The following ARID3B variants were observed in gnomAD, a reference collection of about 807,000 sequenced individuals.
The protein encoded by ARID3B is AT-rich interactive domain-containing protein 3B.
ARID3B carries 10 observed loss-of-function variants against 51.9 expected under a neutral mutation model. The observed-to-expected ratio is 0.19, with a 90% CI of 0.12 to 0.33. ARID3B has a LOEUF of 0.33. Among genes scored for constraint, ARID3B ranks in the 10% least tolerant of loss-of-function variants. The pLI, the probability that ARID3B is intolerant of heterozygous loss-of-function variation, is 1.00. For synonymous variants in ARID3B, 205 were observed against 279.5 expected (o/e 0.73, Z 2.66); for missense variants, 483 against 716.3 (o/e 0.67, Z 3.72).
intron 2 of ARID3B, 112 bp downstream of exon 2, chr15:74,544,600 T>A: frequency 9.5e-7 from 1 of 1,057,588 alleles, no homozygotes; most frequent in Non-Finnish European, 1.4e-6. Flanking sequence ...CCCACTTCGG[T>A]GACCAACAGC....
intron 5 of ARID3B, among the ~76,000 whole-genome samples, chr15:74,590,598 AATCTTTTC>A (rs2061799393): frequency 6.6e-6 from 1 of 152,198 alleles, no homozygotes; most frequent in Admixed American, 6.5e-5. Flanking sequence ...GCCAGAGAGG[AATCTTTTC>A]TTCTGGAACA....
At chr15:74,579,915 A>G (rs770581309) in intron 4 of ARID3B, among the ~76,000 whole-genome samples, 3 of 151,346 alleles carry the variant, frequency 2.0e-5, no homozygotes, top group Non-Finnish European at 4.4e-5. Flanking sequence ...TTTCAGCTGG[A>G]CGCATTGGCT....
At chr15:74,543,074 T>C (rs1176717042) in intron 1 of ARID3B, among the ~76,000 whole-genome samples, 2 of 152,236 alleles carry the variant, frequency 1.3e-5, no homozygotes, top group African/African-American at 2.4e-5. Flanking sequence ...GTTCAGACAA[T>C]GTTGATATCT....
intron 2 of ARID3B, among the ~76,000 whole-genome samples, chr15:74,561,797 A>G (rs2061680299): frequency 6.6e-6 from 1 of 152,186 alleles, no homozygotes; most frequent in African/African-American, 2.4e-5. Flanking sequence ...CTATTTTTCA[A>G]CCTTATGGTG....
At chr15:74,552,056 C>CTTTTTTTTTTTTTTTTTTTT (rs869096001) in intron 2 of ARID3B, among the ~76,000 whole-genome samples, 2 of 102,630 alleles carry the variant, frequency 1.9e-5, no homozygotes, top group African/African-American at 4.1e-5. Flanking sequence ...TCTTTCTTTC[C>CTTTTTTTTTTTTTTTTTTTT]TTTTTTTTTT....
Position 74,595,836 on chromosome 15 carries a change from A to G in ARID3B, c.*62A>G. 1 of 1,533,082 alleles carries G rather than the reference A, an allele frequency of 6.5e-7. No individual in the cohort carries two copies. Among genetic ancestry groups the G allele is most frequent in the East Asian group, 2.3e-5 (1 of 43,882 alleles). The allele number at this position is 1,533,082 out of a possible 1,614,324, so 95.0% of individuals were successfully genotyped here. ...TCGAGAGTGAAGGAAGTTGATGCAC[A>G]GAATTTACCTCATCTCACAGAGCCC... On this transcript the variant is annotated 3_prime_UTR_variant, in exon 9 of 9. Coordinates refer to ENST00000346246, the MANE Select transcript of ARID3B (RefSeq NM_006465.4).
chr15:74,558,365 A>T (rs1192231546), intron 2 of ARID3B, among the ~76,000 whole-genome samples: 1 of 151,866 alleles, frequency 6.6e-6, no homozygotes, highest in East Asian at 1.9e-4. Context: ...CTTCAGCTCT[A>T]TCTGTTCTAC....
chr15:74,556,516 G>A (rs1241016124), intron 2 of ARID3B, among the ~76,000 whole-genome samples: 3 of 152,180 alleles, frequency 2.0e-5, no homozygotes, highest in East Asian at 1.9e-4. Context: ...TAGAAATTAG[G>A]TGTGCTGTGC....
rs536853878 is a variant in ARID3B at position 74,554,015 on chromosome 15, T to C, written c.552+9527T>C. Among the ~76,000 whole-genome samples the C allele has an allele frequency of 4.6e-5, 7 of 151,812 alleles. 1 individual carries two copies. Among genetic ancestry groups the C allele is most frequent in the Admixed American group, 4.6e-4 (7 of 15,230 alleles). ...ATTTTGTATTTTTTTTGTTGTTGTT[T>C]ATTTTTTTTGAGACAGAGTCTCGCT... On this transcript the variant is annotated intron_variant, in intron 2 of 8. Transcript: ENST00000346246.
intron 2 of ARID3B, among the ~76,000 whole-genome samples, chr15:74,572,139 CT>C (rs2061721251): frequency 6.6e-6 from 1 of 152,006 alleles, no homozygotes. Flanking sequence ...AGTTACTGGA[CT>C]GATTAAAGAT....
rs2061725126 is a variant in ARID3B, at chr15:74,573,147, G to A, written c.640G>A (p.Gly214Ser). ...RDFAKLYELD[G>S]DPERKEFLDD... ...GGGATTGCAGCTGTATGAACTGGAC[G>A]GTGATCCTGAAAGGAAAGAGTTCCT... is the stretch of plus-strand genomic sequence containing the variant. Residue 214 changes from glycine to serine, a missense_variant, in exon 4 of 9, where the codon GGT becomes AGT. Gly to Ser is a moderately conservative substitution (Grantham distance 56). Transcript: ENST00000346246. 3 of 1,613,896 alleles carry A rather than the reference G, an allele frequency of 1.9e-6. No homozygotes were observed. The highest frequency in any genetic ancestry group is 2.2e-5 in the South Asian group (2 of 91,076).
At chr15:74,542,429 A>G (rs2061598620) in intron 1 of ARID3B, among the ~76,000 whole-genome samples, 1 of 152,236 alleles carries the variant, frequency 6.6e-6, no homozygotes. Context: ...AATCTTTCAC[A>G]GAACACAAAA....
At chr15:74,547,153 C>A (rs2061618864) in intron 2 of ARID3B, among the ~76,000 whole-genome samples, 1 of 150,676 alleles carries the variant, frequency 6.6e-6, no homozygotes, top group South Asian at 2.1e-4. Context: ...CAGATCTTTC[C>A]CCCCCGCCTT....
chr15:74,587,827 T>G (rs1219482203), intron 4 of ARID3B, among the ~76,000 whole-genome samples: 1 of 152,164 alleles, frequency 6.6e-6, no homozygotes, highest in Non-Finnish European at 1.5e-5. Flanking sequence ...CCCGTAATCC[T>G]CTGTTATTTT....
At chr15:74,541,466 A>G (rs1474059325) in intron 1 of ARID3B, 136 bp downstream of exon 1, 1 of 152,500 alleles carries the variant, frequency 6.6e-6, no homozygotes, top group African/African-American at 2.4e-5. Flanking sequence ...GGGACCGCGA[A>G]GGAAAGTGAG....
intron 4 of ARID3B, among the ~76,000 whole-genome samples, chr15:74,579,875 G>A (rs1448562147): frequency 6.4e-5 from 8 of 124,608 alleles, no homozygotes; most frequent in Admixed American, 1.5e-4. Context: ...GTGTGTGTGC[G>A]CGCGCGCGCA....
chr15:74,552,885 A>G (rs75782903), intron 2 of ARID3B, among the ~76,000 whole-genome samples: 33 of 152,258 alleles, frequency 2.2e-4, no homozygotes, highest in Admixed American at 1.4e-3. Flanking sequence ...GAATAAAGCT[A>G]TCATACACAT....
rs560090983 is a variant in ARID3B at position 74,564,924 on chromosome 15, A to G, written c.553-7938A>G. Among the ~76,000 whole-genome samples the G allele has an allele frequency of 2.6e-5, 4 of 152,066 alleles. 1 individual carries two copies. Among genetic ancestry groups the G allele is most frequent in the African/African-American group, 9.6e-5 (4 of 41,462 alleles). ...CCTGAAGTCTAGTGATTTTCTAATG[A>G]TTACTTTGAGGTTCAGGTCCTAGGA... On this transcript the variant is annotated intron_variant, in intron 2 of 8. Transcript: ENST00000346246.
At chr15:74,560,688 T>C (rs1176555941) in intron 2 of ARID3B, among the ~76,000 whole-genome samples, 1 of 152,120 alleles carries the variant, frequency 6.6e-6, no homozygotes, top group Non-Finnish European at 1.5e-5. Context: ...CAAGTAGGAG[T>C]GAATCAGCTT....
Sources: allele counts gnomAD v4.1 joint callset (sites outside exome capture counted in the v4.1 genomes callset), GRCh38; gene constraint gnomAD v4.1.1; transcripts MANE v1.5; gene names NCBI Gene and HGNC (gene_info 2026-07-23, HGNC 2026-07-21).